MAML3: variants seen among roughly 807,000 people sequenced by gnomAD.
The protein encoded by MAML3 is mastermind like transcriptional coactivator 3, also known as mastermind-like protein 3.
Under a neutral mutation model 101.9 loss-of-function variants are expected in MAML3, and 27 were observed. The observed-to-expected ratio is 0.27, with a 90% CI of 0.20 to 0.37. The LOEUF (loss-of-function observed/expected upper bound fraction) is 0.37. Among genes scored for constraint, MAML3 ranks in the 10% least tolerant of loss-of-function variants. The pLI is 1.00. For synonymous variants in MAML3, 501 were observed against 555.9 expected, an observed-to-expected ratio of 0.90 and a Z score of 1.39; for missense variants, 1,316 against 1,444.9, an observed-to-expected ratio of 0.91 and a Z score of 1.45.
intron 1 of MAML3, among the ~76,000 whole-genome samples, chr4:140,022,517 G>T (rs1306475682): frequency 6.6e-6 from 1 of 152,148 alleles, no homozygotes; most frequent in Non-Finnish European, 1.5e-5. Context: ...AATGTAAATG[G>T]TTCATTAGAG....
chr4:139,955,169 T>C (rs1733895507), intron 1 of MAML3, among the ~76,000 whole-genome samples: 1 of 152,192 alleles, frequency 6.6e-6, no homozygotes, highest in African/African-American at 2.4e-5. Flanking sequence ...TTGCAAATTT[T>C]TTCTACATCA....
intron 2 of MAML3, among the ~76,000 whole-genome samples, chr4:139,811,231 C>T (rs1041741412): frequency 6.6e-6 from 1 of 152,170 alleles, no homozygotes; most frequent in East Asian, 1.9e-4. Flanking sequence ...TGAACTGATA[C>T]CCTATTACAG....
In MAML3 at chr4:139,931,226, G is replaced by A. The variant is rs181942200; in HGVS notation, c.469-40259C>T. The stretch of plus-strand genomic sequence containing the variant: ...TTAAAACAAGCCCCAAGTCCCAGGC[G>A]CCACACAGCCTCGCTCTTCTGCAGT... On this transcript the variant is annotated intron_variant, in intron 1 of 4. Transcript: ENST00000509479. Among the ~76,000 whole-genome samples the A allele has an allele frequency of 2.7e-3, 410 of 152,182 alleles. 5 individuals carry two copies. Among genetic ancestry groups the A allele is most frequent in the Non-Finnish European group, 2.3e-3 (158 of 68,022 alleles).
intron 1 of MAML3, among the ~76,000 whole-genome samples, chr4:139,914,907 CAT>C (rs999223304): frequency 8.5e-5 from 13 of 152,240 alleles, no homozygotes; most frequent in Admixed American, 7.9e-4. Flanking sequence ...CCAATTTCCA[CAT>C]GTTTTGGTTT....
chr4:140,150,888 A>G (rs1729149618), intron 1 of MAML3, among the ~76,000 whole-genome samples: 1 of 152,184 alleles, frequency 6.6e-6, no homozygotes, highest in East Asian at 1.9e-4. Flanking sequence ...TCCTGTTTGT[A>G]AAGCGAGAAC....
chr4:139,731,435 TAAAAAA>T (rs70943437), intron 2 of MAML3: 15 of 38,746 alleles, frequency 3.9e-4, no homozygotes, highest in South Asian at 4.0e-3. Context: ...CTGTCTCTAC[TAAAAAA>T]AAAAAAAAAA....
chr4:139,948,088 G>A (rs777188126), intron 1 of MAML3, among the ~76,000 whole-genome samples: 56 of 135,760 alleles, frequency 4.1e-4, no homozygotes, highest in Non-Finnish European at 7.2e-4. Flanking sequence ...CAACAAGAGC[G>A]AGACTCCATC....
chr4:139,862,541 T>C (rs1308372278), intron 2 of MAML3, among the ~76,000 whole-genome samples: 2 of 152,270 alleles, frequency 1.3e-5, no homozygotes, highest in Non-Finnish European at 2.9e-5. Context: ...TTGCCCTTTG[T>C]TTTTGTCACA....
intron 1 of MAML3, among the ~76,000 whole-genome samples, chr4:140,052,712 T>G (rs1727289015): frequency 6.6e-6 from 1 of 151,968 alleles, no homozygotes; most frequent in African/African-American, 2.4e-5. Context: ...TTTTTGTATT[T>G]TTAGTAGAGA....
intron 2 of MAML3, among the ~76,000 whole-genome samples, chr4:139,886,641 G>A (rs1200943560): frequency 6.6e-6 from 1 of 151,980 alleles, no homozygotes; most frequent in East Asian, 1.9e-4. Flanking sequence ...TATCATGAAT[G>A]TCATGTACGT....
intron 2 of MAML3, among the ~76,000 whole-genome samples, chr4:139,873,731 C>T (rs1014138681): frequency 3.9e-5 from 6 of 152,118 alleles, no homozygotes; most frequent in African/African-American, 1.4e-4. Flanking sequence ...GGGAGGGAGC[C>T]ACATATGAAG....
At chr4:139,997,157 T>TTA (rs1330023432) in intron 1 of MAML3, among the ~76,000 whole-genome samples, 1 of 150,362 alleles carries the variant, frequency 6.7e-6, no homozygotes, top group African/African-American at 2.4e-5. Flanking sequence ...TACACACACA[T>TTA]TATATATATA....
At chr4:139,889,003 T>C (rs10519508) in intron 2 of MAML3, among the ~76,000 whole-genome samples, 6,204 of 152,224 alleles carry the variant, frequency 0.041, 411 homozygotes, top group African/African-American at 0.14. Context: ...GAGCCTGGGA[T>C]CATGCAAGCT....
Position 139,885,960 on chromosome 4 carries a change from A to AAAAAAAAG in MAML3, c.2079+3396_2079+3397insCTTTTTTT, listed in dbSNP as rs771617532. Reference sequence around the variant, plus strand: ...AAAAAAAAAAAAAAAAAAAAAAAGAAAGAGAAAAAAAGTAAAGGGAATAAA... The same window carrying AAAAAAAAG: ...AAAAAAAAAAAAAAAAAAAAAAAGAAAAAAAAAGAGAGAAAAAAAGTAAAGGGAATAAA... On this transcript the variant is annotated intron_variant, in intron 2 of 4. Coordinates refer to ENST00000509479, the MANE Select transcript of MAML3 (RefSeq NM_018717.5). 1.3e-3 allele frequency among the ~76,000 whole-genome samples: 171 copies of AAAAAAAAG among 134,282 alleles called. 4 individuals carry two copies. The highest frequency in any genetic ancestry group is 4.4e-3 in the African/African-American group (152 of 34,744). The allele number at this position is 134,282 out of a possible 152,430, so 88.1% of individuals were successfully genotyped here. A position where few individuals can be genotyped will look rare whatever the true frequency, so the allele number is the denominator to read the frequency against.
At chr4:140,017,667 G>A (rs4863725) in intron 1 of MAML3, among the ~76,000 whole-genome samples, 104,906 of 150,774 alleles carry the variant, frequency 0.7, 39,874 homozygotes, top group East Asian at 0.94. Context: ...CTGAGCAGGC[G>A]AAAAAAAGAA....
At chr4:140,014,859 T>C (rs1206386480) in intron 1 of MAML3, among the ~76,000 whole-genome samples, 1 of 152,152 alleles carries the variant, frequency 6.6e-6, no homozygotes, top group African/African-American at 2.4e-5. Flanking sequence ...AAGACCTAAT[T>C]ATATGTGTAT....
intron 2 of MAML3, among the ~76,000 whole-genome samples, chr4:139,838,434 G>A (rs934498923): frequency 6.6e-6 from 1 of 152,046 alleles, no homozygotes; most frequent in Non-Finnish European, 1.5e-5. Context: ...GGGGAGGAGC[G>A]TATCCATTAG....
chr4:139,730,997 T>G, intron 2 of MAML3: 2 of 319,128 alleles, frequency 6.3e-6, no homozygotes, highest in Non-Finnish European at 1.2e-5. Context: ...GAATAAGCCC[T>G]CAGGCTGAGC....
chr4:139,879,191 C>T (rs899759251), intron 2 of MAML3, among the ~76,000 whole-genome samples: 1 of 152,116 alleles, frequency 6.6e-6, no homozygotes, highest in Non-Finnish European at 1.5e-5. Flanking sequence ...GTTTTGCGCC[C>T]AGCCCGCAGT....
Sources: gnomAD v4.1 joint callset for allele counts (sites outside exome capture counted in the v4.1 genomes callset) on GRCh38, gnomAD v4.1.1 for gene constraint, MANE v1.5 for transcripts, NCBI Gene and HGNC (gene_info 2026-07-23, HGNC 2026-07-21) for gene names.